Variants in SLIT1 observed in about 807,000 individuals in gnomAD.
The protein encoded by SLIT1 is slit homolog 1 protein.
Under a neutral mutation model 186.1 loss-of-function variants are expected in SLIT1, and 66 were observed. The ratio of observed to expected loss-of-function variants is 0.35; its 90% confidence interval spans 0.29 to 0.44. SLIT1 has a LOEUF of 0.44. Ranked by LOEUF, SLIT1 falls within the 20% of genes least tolerant of loss-of-function variation. The pLI is 1.00. For missense variants in SLIT1, 1,638 were observed against 2,037.4 expected (o/e 0.80, Z 3.77); for synonymous variants, 761 against 833.8 (o/e 0.91, Z 1.50).
chr10:97,019,097 C>T lies in SLIT1; in HGVS notation c.2757G>A (p.Thr919=), dbSNP rs370436227. The part of the protein sequence containing the change: ...AKKFECQGPP[T]LAVQAKCDLC... ...GATCACACTTGGCCTGGACAGCCAG[C>T]GTTGGAGGACCTGCAGCAAGGGGAG... Residue 919 remains threonine (T), a synonymous_variant, in exon 27 of 37, where the codon ACG becomes ACA. Coordinates refer to ENST00000266058, the MANE Select transcript of SLIT1 (RefSeq NM_003061.3). 6 of 1,599,904 alleles carry T rather than the reference C, an allele frequency of 3.8e-6. No homozygotes were observed. The highest frequency in any genetic ancestry group is 4.5e-5 in the East Asian group (2 of 44,328).
intron 4 of SLIT1, among the ~76,000 whole-genome samples, chr10:97,147,286 ATTGCTCAAT>A (rs1336810024): frequency 1.3e-5 from 2 of 152,174 alleles, no homozygotes; most frequent in Non-Finnish European, 2.9e-5. Context: ...ATGAGGAGCT[ATTGCTCAAT>A]GGGTACAGAG....
At chr10:97,158,121 C>T (rs1236991067) in intron 3 of SLIT1, among the ~76,000 whole-genome samples, 1 of 152,138 alleles carries the variant, frequency 6.6e-6, no homozygotes, top group South Asian at 2.1e-4. Flanking sequence ...CTGCGGAAGC[C>T]CCTCACCAGC....
rs971678819 is a variant in SLIT1 at position 97,184,304 on chromosome 10, G to A, written c.197+1174C>T. Among the ~76,000 whole-genome samples the A allele has an allele frequency of 6.6e-6, 1 of 152,100 alleles. No individual in the cohort carries two copies. Among genetic ancestry groups the A allele is most frequent in the African/African-American group, 2.4e-5 (1 of 41,412 alleles). On this transcript the variant is annotated intron_variant, in intron 1 of 36. Coordinates refer to ENST00000266058, the MANE Select transcript of SLIT1 (RefSeq NM_003061.3). The surrounding 1 kb of genome is among the most constrained non-coding windows in gnomAD (Gnocchi z 4.4). ...TTTCCTGAGAGCCACTGCAGTCACC[G>A]AGGAGTGTGGGAAGGAGGAGTAGGT...
chr10:97,182,481 G>T (rs967164444), intron 1 of SLIT1, among the ~76,000 whole-genome samples: 2 of 152,168 alleles, frequency 1.3e-5, no homozygotes, highest in Non-Finnish European at 2.9e-5. Context: ...CTCTCACCAA[G>T]GCCTCTTTCA....
chr10:97,046,640 C>T lies in SLIT1; in HGVS notation c.1853+14G>A, dbSNP rs757371720. On this transcript the variant is annotated intron_variant, in intron 18 of 36. Transcript: ENST00000266058. Reference sequence around the variant, plus strand: ...GCAGCTGGCCCACCCTGCTCCCCAGCCCTGCACACTCACAGGGTCCTCAAG... The same window carrying T: ...GCAGCTGGCCCACCCTGCTCCCCAGTCCTGCACACTCACAGGGTCCTCAAG... 6.3e-7 allele frequency: 1 copy of T among 1,599,842 alleles called. No individual in the cohort carries two copies. The highest frequency in any genetic ancestry group is 8.5e-7 in the Non-Finnish European group (1 of 1,176,958).
intron 4 of SLIT1, among the ~76,000 whole-genome samples, chr10:97,149,127 G>A (rs1376099028): frequency 4.6e-5 from 7 of 152,208 alleles, no homozygotes; most frequent in African/African-American, 1.7e-4. Flanking sequence ...AGCCAGCAGG[G>A]GCAGAGCTGG....
intron 4 of SLIT1, among the ~76,000 whole-genome samples, chr10:97,147,017 A>T (rs1849825560): frequency 6.6e-6 from 1 of 152,136 alleles, no homozygotes; most frequent in South Asian, 2.1e-4. Context: ...TGAGAGGTGG[A>T]GGTAACCTAC....
intron 4 of SLIT1, among the ~76,000 whole-genome samples, chr10:97,079,382 TGTG>T (rs1849081248): frequency 6.6e-6 from 1 of 152,076 alleles, no homozygotes; most frequent in Admixed American, 6.6e-5. Context: ...TTTGAGAAAA[TGTG>T]GTGAGCTGTA....
intron 4 of SLIT1, among the ~76,000 whole-genome samples, chr10:97,125,576 T>C (rs1275226615): frequency 1.3e-5 from 2 of 148,468 alleles, no homozygotes; most frequent in Non-Finnish European, 3.0e-5. Context: ...CAGTGGCTCA[T>C]GCCTGTAATC....
At chr10:97,157,682 G>A (rs1453850524) in intron 4 of SLIT1, 136 bp downstream of exon 4, 12 of 712,638 alleles carry the variant, frequency 1.7e-5, no homozygotes, top group Non-Finnish European at 2.5e-5. Flanking sequence ...TGATGCCCTG[G>A]ACCATTCCTG....
At chr10:97,095,718 T>C (rs551689425) in intron 4 of SLIT1, among the ~76,000 whole-genome samples, 22 of 152,126 alleles carry the variant, frequency 1.4e-4, no homozygotes, top group Non-Finnish European at 2.9e-4. Context: ...GGACATCATG[T>C]GGATGGAAAA....
At chr10:97,058,970 C>A (rs189030432) in intron 11 of SLIT1, among the ~76,000 whole-genome samples, 33 of 152,314 alleles carry the variant, frequency 2.2e-4, no homozygotes, top group Admixed American at 3.3e-4. Flanking sequence ...GAGGAGCGGG[C>A]AAACACTGTC....
At chr10:97,056,071 G>A (rs1377974544) in intron 13 of SLIT1, among the ~76,000 whole-genome samples, 1 of 152,188 alleles carries the variant, frequency 6.6e-6, no homozygotes, top group Non-Finnish European at 1.5e-5. Context: ...CTATGGGAAG[G>A]CATCCCCATC....
Position 97,019,020 on chromosome 10 carries a change from A to C in SLIT1, c.2834T>G (p.Leu945Arg). 1 of 1,613,576 alleles carries C rather than the reference A, an allele frequency of 6.2e-7. No homozygotes were observed. The highest frequency in any genetic ancestry group is 8.5e-7 in the Non-Finnish European group (1 of 1,179,684). The part of the protein sequence containing the change: ...QNQGTCHNDP[L>R]EVYRCACPSG... ...GGGGCAGGCGCACCTGTACACCTCA[A>C]GGGGGTCGTTGTGGCAGGTGCCCTG... The change falls in exon 27 of 37, where the codon CTT becomes CGT. Residue 945 changes from leucine to arginine, a missense_variant. Leu to Arg is a moderately radical substitution (Grantham distance 102, BLOSUM62 -2). This residue lies in a region of SLIT1 where 1,245 missense variants were observed against 1,535.3 expected (regional missense o/e 0.81). Coordinates refer to ENST00000266058, the MANE Select transcript of SLIT1 (RefSeq NM_003061.3).
chr10:97,066,911 C>T (rs1848952319), intron 4 of SLIT1, among the ~76,000 whole-genome samples: 1 of 152,120 alleles, frequency 6.6e-6, no homozygotes, highest in Admixed American at 6.5e-5. Flanking sequence ...GGATTGATGA[C>T]CACTGTCTGG....
At chr10:97,159,093 A>G (rs1308363608) in intron 3 of SLIT1, among the ~76,000 whole-genome samples, 2 of 152,188 alleles carry the variant, frequency 1.3e-5, no homozygotes, top group Admixed American at 1.3e-4. Flanking sequence ...GGGGTCTTAG[A>G]ACAAATCCCC....
At chr10:97,114,374 G>A (rs1349021582) in intron 4 of SLIT1, among the ~76,000 whole-genome samples, 1 of 152,172 alleles carries the variant, frequency 6.6e-6, no homozygotes, top group Non-Finnish European at 1.5e-5. Context: ...AAAAGTACAG[G>A]CTGGGTGCAG....
At chr10:97,176,150 C>G (rs140027257) in intron 1 of SLIT1, among the ~76,000 whole-genome samples, 104 of 152,326 alleles carry the variant, frequency 6.8e-4, no homozygotes, top group Middle Eastern at 3.4e-3. Flanking sequence ...CACTTACCAG[C>G]CTGCTGTTCA....
rs760239244 is a variant in SLIT1, at chr10:97,006,619, C to G, written c.3443G>C (p.Arg1148Thr). The G allele has an allele frequency of 1.4e-5, 22 of 1,614,118 alleles. No homozygotes were observed. The highest frequency in any genetic ancestry group is 1.8e-5 in the Non-Finnish European group (21 of 1,180,036). The change falls in exon 32 of 37, where the codon AGG (arginine) becomes ACG (threonine). Residue 1148 changes from arginine (R) to threonine (T), a missense_variant. Physicochemically the swap from Arg to Thr is moderately conservative, Grantham distance 71 (BLOSUM62 -1). Transcript: ENST00000266058. This position sits in a 1 kb window ranked among gnomAD's most constrained non-coding sequence, Gnocchi z 4.0. ...NGANCVDQGN[R>T]PVCQCLPGFG... is the part of the protein sequence containing the mutation. ...GCCTGGGAGGCACTGGCACACAGGC[C>G]TGTTGCCCTGGTCCACACAGTTGGC...
Sources: allele counts gnomAD v4.1 joint callset (sites outside exome capture counted in the v4.1 genomes callset), GRCh38; gene constraint gnomAD v4.1.1; regional missense constraint gnomAD v4.1.1; non-coding constraint Gnocchi (gnomAD v3.1); transcripts MANE v1.5; gene names NCBI Gene and HGNC (gene_info 2026-07-23, HGNC 2026-07-21).